Variants in NCALD observed in about 807,000 individuals in gnomAD.
The protein encoded by NCALD is neurocalcin delta, also known as neurocalcin-delta.
A neutral mutation model predicts 18.6 loss-of-function variants in NCALD; 10 were observed. That is an observed-to-expected ratio of 0.54 (90% CI 0.33 to 0.91). NCALD has a LOEUF of 0.91. Among genes scored for constraint, NCALD ranks in the 40% least tolerant of loss-of-function variants. NCALD has a pLI of 0.03. For synonymous variants in NCALD, 88 were observed against 87.4 expected, an observed-to-expected ratio of 1.01 and a Z score of -0.04; for missense variants, 184 against 247.6, an observed-to-expected ratio of 0.74 and a Z score of 1.72.
chr8:101,691,856 C>T (rs1484702701), intron 3 of NCALD: 1 of 985,270 alleles, frequency 1.0e-6, no homozygotes, highest in Non-Finnish European at 1.2e-6. Context: ...AGTGCCTGTG[C>T]ACATGGTTGA....
intron 1 of NCALD, among the ~76,000 whole-genome samples, chr8:101,767,294 T>A (rs1811390303): frequency 6.6e-6 from 1 of 152,214 alleles, no homozygotes; most frequent in African/African-American, 2.4e-5. Flanking sequence ...AAACAATAAC[T>A]GGCATAGAGT....
chr8:101,700,035 T>TATTTATTTATTTATTTATTTATTC (rs1215003173), intron 2 of NCALD, among the ~76,000 whole-genome samples: 35 of 151,574 alleles, frequency 2.3e-4, no homozygotes, highest in Middle Eastern at 3.4e-3. Flanking sequence ...TATTTTTATT[T>TATTTATTTATTTATTTATTTATTC]ATTTATTTAT....
At chr8:102,019,530 T>G (rs1475304792) in intron 2 of NCALD, among the ~76,000 whole-genome samples, 2 of 152,144 alleles carry the variant, frequency 1.3e-5, no homozygotes, top group Non-Finnish European at 2.9e-5. Flanking sequence ...TTAGTAAAAT[T>G]TCTTTCCTCA....
At chr8:101,731,306 A>C (rs545480846) in intron 1 of NCALD, among the ~76,000 whole-genome samples, 1 of 152,152 alleles carries the variant, frequency 6.6e-6, no homozygotes, top group Non-Finnish European at 1.5e-5. Context: ...CTCTGGACTG[A>C]GGCTGAGCCA....
intron 1 of NCALD, among the ~76,000 whole-genome samples, chr8:101,762,261 T>C (rs1811144412): frequency 1.3e-5 from 2 of 152,130 alleles, no homozygotes; most frequent in South Asian, 4.1e-4. Context: ...TGGATCATAA[T>C]ACAAAGATCT....
rs75100435 is a variant in NCALD, at chr8:102,077,080, A to G, written c.-210+47157T>C. ...CTCTTCATCAACAGCTAGTCACATA[A>G]CTCCCCAAATTAAGTAATGTTCTCT... On this transcript the variant is annotated intron_variant, in intron 1 of 6. Transcript: ENST00000311028. Among the ~76,000 whole-genome samples the G allele has an allele frequency of 1.7e-3, 258 of 151,574 alleles. 4 individuals are homozygous for G. In the East Asian group the frequency reaches 0.038, roughly 22 times the overall value.
chr8:101,889,507 A>G (rs1168286639), intron 3 of NCALD, among the ~76,000 whole-genome samples: 1 of 152,238 alleles, frequency 6.6e-6, no homozygotes, highest in Non-Finnish European at 1.5e-5. Context: ...ACAAACAGGC[A>G]TTTTAAATGT....
intron 1 of NCALD, among the ~76,000 whole-genome samples, chr8:102,052,968 T>C (rs773995444): frequency 1.4e-4 from 21 of 152,222 alleles, no homozygotes; most frequent in African/African-American, 2.4e-4. Flanking sequence ...CTGAGGGTCA[T>C]ACAAAAACAA....
chr8:101,927,977 G>A (rs112709575), intron 2 of NCALD, among the ~76,000 whole-genome samples: 13 of 152,190 alleles, frequency 8.5e-5, no homozygotes, highest in African/African-American at 3.1e-4. Flanking sequence ...ATATTTTCAT[G>A]TCTATTTAAT....
At chr8:101,859,508 G>A (rs1323880013) in intron 4 of NCALD, among the ~76,000 whole-genome samples, 3 of 152,048 alleles carry the variant, frequency 2.0e-5, no homozygotes, top group Non-Finnish European at 2.9e-5. Context: ...ATCATTAATA[G>A]CCTCAGAAAG....
chr8:101,850,108 G>C (rs1815030914), intron 4 of NCALD, among the ~76,000 whole-genome samples: 2 of 152,172 alleles, frequency 1.3e-5, no homozygotes, highest in South Asian at 4.1e-4. Flanking sequence ...ATCAGTCACT[G>C]TGCTTTGGAG....
intron 3 of NCALD, among the ~76,000 whole-genome samples, chr8:101,890,679 C>T (rs1042612140): frequency 6.6e-6 from 1 of 152,178 alleles, no homozygotes; most frequent in African/African-American, 2.4e-5. Context: ...GACTAGGCTT[C>T]ACGAGACATT....
chr8:101,723,765 C>A lies in NCALD; in HGVS notation c.-19-4117G>T, dbSNP rs897625514. On this transcript the variant is annotated intron_variant, in intron 1 of 3. Coordinates refer to ENST00000220931, the MANE Select transcript of NCALD (RefSeq NM_032041.3). ...ATTCAGATAAGCCCACAAATTCATA[C>A]TATCTTATAAACAGCAGTAACATTA... 2.0e-5 allele frequency among the ~76,000 whole-genome samples: 3 copies of A among 152,268 alleles called. No individual in the cohort carries two copies. The East Asian group carries it at 5.8e-4, about 29-fold the overall frequency.
At chr8:101,927,731 CTA>C (rs1818390304) in intron 2 of NCALD, among the ~76,000 whole-genome samples, 1 of 152,118 alleles carries the variant, frequency 6.6e-6, no homozygotes, top group Non-Finnish European at 1.5e-5. Context: ...GCAGTTGTGT[CTA>C]CCCAGTGTCC....
At position 101,963,153 on chromosome 8, in the gene NCALD, C is replaced by T. The variant is rs56344623; in HGVS notation, c.-156-47295G>A. ...TCTTATGAACTACTCTAACACATCACTGAAAGACCCTCAAAAAGGAAACCT... is the reference window on the plus strand; with the variant it reads ...TCTTATGAACTACTCTAACACATCATTGAAAGACCCTCAAAAAGGAAACCT... On this transcript the variant is annotated intron_variant, in intron 2 of 6. Coordinates refer to the NCALD transcript ENST00000311028. Among the ~76,000 whole-genome samples the T allele has an allele frequency of 5.9e-3, 897 of 152,258 alleles. 4 individuals are homozygous for T. Among genetic ancestry groups the T allele is most frequent in the African/African-American group, 0.019 (806 of 41,526 alleles).
chr8:101,852,259 C>G (rs78276404), intron 4 of NCALD, among the ~76,000 whole-genome samples: 2,325 of 152,248 alleles, frequency 0.015, 30 homozygotes, highest in Admixed American at 0.027. Context: ...GCCTGGAGCT[C>G]CTCCTCTGAT....
At chr8:101,961,700 G>T (rs1819841943) in intron 2 of NCALD, among the ~76,000 whole-genome samples, 1 of 152,144 alleles carries the variant, frequency 6.6e-6, no homozygotes, top group Admixed American at 6.5e-5. Flanking sequence ...AAGTAGCTGG[G>T]ATTATAGGTG....
chr8:102,115,277 T>C (rs982672740), intron 1 of NCALD, among the ~76,000 whole-genome samples: 2 of 152,256 alleles, frequency 1.3e-5, no homozygotes, highest in Non-Finnish European at 2.9e-5. Flanking sequence ...TACAGTAGGA[T>C]AGGTAAGATG....
intron 1 of NCALD, among the ~76,000 whole-genome samples, chr8:101,752,791 A>G (rs898056882): frequency 2.6e-5 from 4 of 152,230 alleles, no homozygotes; most frequent in African/African-American, 9.6e-5. Flanking sequence ...TGAGCTACAA[A>G]TGTCAAATGA....
Sources: allele counts gnomAD v4.1 joint callset (sites outside exome capture counted in the v4.1 genomes callset), GRCh38; gene constraint gnomAD v4.1.1; transcripts MANE v1.5; gene names NCBI Gene and HGNC (gene_info 2026-07-23, HGNC 2026-07-21).